CREB3L4: variants seen among roughly 807,000 people sequenced by gnomAD.
CREB3L4 encodes cAMP responsive element binding protein 3 like 4.
A neutral mutation model predicts 37.0 loss-of-function variants in CREB3L4; 28 were observed. The observed-to-expected ratio is 0.76, with a 90% CI of 0.56 to 1.04. The LOEUF is 1.04. Ranked by LOEUF, CREB3L4 falls within the 50% of genes least tolerant of loss-of-function variation. The pLI is 0.00. For synonymous variants in CREB3L4, 175 were observed against 192.2 expected (o/e 0.91, Z 0.74); for missense variants, 462 against 486.0 (o/e 0.95, Z 0.46).
At chr1:153,972,880 C>T (rs1648525065) in intron 5 of CREB3L4, 44 bp downstream of exon 5, 2 of 1,602,462 alleles carry the variant, frequency 1.2e-6, no homozygotes, top group Non-Finnish European at 1.7e-6. Flanking sequence ...GGGGCCTCAC[C>T]ATGACCTCTG....
intron 4 of CREB3L4, among the ~76,000 whole-genome samples, chr1:153,971,236 C>T (rs908657535): frequency 4.6e-5 from 7 of 151,454 alleles, no homozygotes; most frequent in South Asian, 2.1e-4. Context: ...GGCATGGTGG[C>T]GGGTGCCTTT....
Position 153,973,400 on chromosome 1 carries a change from G to A in CREB3L4, c.833G>A (p.Arg278His), listed in dbSNP as rs150049615. 644 of 1,613,958 alleles carry A rather than the reference G, an allele frequency of 4.0e-4. 3 individuals are homozygous for A. The highest frequency in any genetic ancestry group is 3.2e-3 in the South Asian group (295 of 91,072). ...RHNISLVAQL[R>H]QLQTLIAQTS... ...CCCAGCTCCTTGGTAGCTCAGCTCC[G>A]CCAGCTGCAGACGCTAATTGCTCAA... The change falls in exon 8 of 10, where the codon CGC (arginine) becomes CAC (histidine). Residue 278 changes from arginine (R) to histidine (H), a missense_variant. Arg to His is a conservative substitution (Grantham distance 29). Transcript: ENST00000368607.
At chr1:153,968,319 TG>T (rs372093207) in intron 1 of CREB3L4, 155 bp downstream of exon 1, 30 of 504,614 alleles carry the variant, frequency 5.9e-5, no homozygotes, top group Middle Eastern at 5.4e-4. Context: ...AGGTAATGCT[TG>T]GGGGGGGCCT....
upstream of CREB3L4, chr1:153,967,544 G>A (rs1381934696): frequency 6.6e-6 from 1 of 152,210 alleles, no homozygotes; most frequent in Non-Finnish European, 1.5e-5. Context: ...CTAGCTGCTC[G>A]CGGTGCTGAG....
chr1:153,968,319 T>G, intron 1 of CREB3L4, 155 bp downstream of exon 1: 1 of 504,636 alleles, frequency 2.0e-6, no homozygotes, highest in Non-Finnish European at 3.5e-6. Context: ...AGGTAATGCT[T>G]GGGGGGGGCC....
chr1:153,974,103 AG>A lies in CREB3L4; in HGVS notation c.*40del. 1 of 1,590,704 alleles carries A rather than the reference AG, an allele frequency of 6.3e-7. No homozygotes were observed. The highest frequency in any genetic ancestry group is 8.6e-7 in the Non-Finnish European group (1 of 1,164,704). On this transcript the variant is annotated 3_prime_UTR_variant, in exon 10 of 10. Coordinates refer to ENST00000368607, the MANE Select transcript of CREB3L4 (RefSeq NM_001255978.2). ...CTTCCTGGCCCACTTCCTGATCACA[AG>A]GAATCCTGGGCTTCCTTATGGCTTT...
At chr1:153,969,615 A>AT (rs773988476) in intron 4 of CREB3L4, 160 bp downstream of exon 4, 6 of 749,978 alleles carry the variant, frequency 8.0e-6, no homozygotes, top group Non-Finnish European at 1.3e-5. Context: ...CAGTTGAACT[A>AT]TTTTTTATTT....
chr1:153,971,223 C>T (rs1648338380), intron 4 of CREB3L4, among the ~76,000 whole-genome samples: 1 of 151,220 alleles, frequency 6.6e-6, no homozygotes, highest in African/African-American at 2.4e-5. Context: ...CAAAAATTAG[C>T]TGGGCATGGT....
chr1:153,968,236 A>C, intron 1 of CREB3L4, 72 bp downstream of exon 1: 2 of 248,334 alleles, frequency 8.1e-6, no homozygotes, highest in Non-Finnish European at 1.6e-5. Flanking sequence ...GAGATCCTGG[A>C]AGAAAGAAAA....
In CREB3L4 at chr1:153,973,105, T is replaced by G. The variant is rs767137039; in HGVS notation, c.743+27T>G. 57 of 1,613,052 alleles carry G rather than the reference T, an allele frequency of 3.5e-5. 1 individual carries two copies. Among genetic ancestry groups the G allele is most frequent in the South Asian group, 3.1e-4 (28 of 91,062 alleles). ...TACGCCTGGGTTATTTCTGGCTTCT[T>G]GTGGGCCATGTCTGGGCCCCTTCCT... On this transcript the variant is annotated intron_variant, in intron 6 of 9. Transcript: ENST00000368607.
At chr1:153,969,818 C>T (rs1648169686) in intron 4 of CREB3L4, 1 of 245,624 alleles carries the variant, frequency 4.1e-6, no homozygotes, top group African/African-American at 2.2e-5. Flanking sequence ...CCATGTTGCC[C>T]AGGCTCAGGC....
chr1:153,972,529 C>G (rs943233773), intron 4 of CREB3L4, among the ~76,000 whole-genome samples: 1 of 152,134 alleles, frequency 6.6e-6, no homozygotes, highest in Non-Finnish European at 1.5e-5. Flanking sequence ...TGACAATACC[C>G]TCCTCTCTCC....
In CREB3L4 at chr1:153,969,182, T is replaced by C. The variant is rs1293431246; in HGVS notation, c.421+6T>C. On this transcript the variant is annotated splice_donor_region_variant and intron_variant, in intron 3 of 9. Coordinates refer to ENST00000368607, the MANE Select transcript of CREB3L4 (RefSeq NM_001255978.2). ...CCTTATCTCCATCCAGCTAGGTCAG[T>C]GTTCTTTGTGGGAAGGGGGAAATGG... The C allele has an allele frequency of 6.2e-7, 1 of 1,614,018 alleles. No homozygotes were observed. Among genetic ancestry groups the C allele is most frequent in the East Asian group, 2.2e-5 (1 of 44,884 alleles).
Position 153,972,979 on chromosome 1 carries a change from A to C in CREB3L4, c.644A>C (p.Glu215Ala). The C allele has an allele frequency of 1.9e-6, 3 of 1,614,106 alleles. No homozygotes were observed. Among genetic ancestry groups the C allele is most frequent in the Non-Finnish European group, 1.7e-6 (2 of 1,179,976 alleles). Residue 215 changes from glutamate to alanine, a missense_variant, in exon 6 of 10, where the codon GAG (glutamate) becomes GCG (alanine). Glu to Ala is a moderately radical substitution (Grantham distance 107). Coordinates refer to ENST00000368607, the MANE Select transcript of CREB3L4 (RefSeq NM_001255978.2). ...PSHLPLTKAE[E>A]RVLKKVRRKI... ...ACATCCTGGGCCTCCAAGGCAGAGG[A>C]GAGGGTCCTCAAGAAGGTCAGGAGG... is the stretch of plus-strand genomic sequence containing the variant.
At chr1:153,969,658 TGGAGTG>T in intron 4 of CREB3L4, 1 of 549,732 alleles carries the variant, frequency 1.8e-6, no homozygotes, top group South Asian at 2.1e-5. Flanking sequence ...TCATCCAGGC[TGGAGTG>T]CAGTGGTGCA....
Position 153,968,574 on chromosome 1 carries a change from G to C in CREB3L4, c.49G>C (p.Glu17Gln). Residue 17 changes from glutamate (E) to glutamine (Q), a missense_variant, in exon 2 of 10, where the codon GAG becomes CAG. Coordinates refer to ENST00000368607, the MANE Select transcript of CREB3L4 (RefSeq NM_001255978.2). Reference sequence around the variant, plus strand: ...GCTGGACGCGTGGCTGGAGCCCCCAGAGGATATCTTCTCGACAGGATCCGT... The same window carrying C: ...GCTGGACGCGTGGCTGGAGCCCCCACAGGATATCTTCTCGACAGGATCCGT... ...DLLDAWLEPPEDIFSTGSVLE... is the reference protein window; with the variant it reads ...DLLDAWLEPPQDIFSTGSVLE... 3.1e-6 allele frequency: 5 copies of C among 1,614,138 alleles called. No homozygotes were observed. The highest frequency in any genetic ancestry group is 4.2e-6 in the Non-Finnish European group (5 of 1,180,006).
chr1:153,969,644 T>C (rs1212183566), intron 4 of CREB3L4, 189 bp downstream of exon 4: 39 of 601,682 alleles, frequency 6.5e-5, no homozygotes, highest in Non-Finnish European at 5.7e-6. Flanking sequence ...AGGGTCTTAC[T>C]CTGTCATCCA....
In CREB3L4 at chr1:153,972,740, C is replaced by A. The variant is rs1441816273; in HGVS notation, c.544-4C>A. The A allele has an allele frequency of 6.2e-7, 1 of 1,612,876 alleles. No individual in the cohort carries two copies. The highest frequency in any genetic ancestry group is 8.5e-7 in the Non-Finnish European group (1 of 1,179,532). ...ATTGCATCTTCTCCTGCCCCTACCC[C>A]CAGCTGCCCTGTCAAACCCTGTTCC... is the stretch of plus-strand genomic sequence containing the variant. On this transcript the variant is annotated splice_region_variant and splice_polypyrimidine_tract_variant and intron_variant, in intron 4 of 9. Transcript: ENST00000368607.
chr1:153,968,361 G>A, intron 1 of CREB3L4, 161 bp from the exon 2 acceptor site: 3 of 622,070 alleles, frequency 4.8e-6, no homozygotes, highest in Non-Finnish European at 8.3e-6. Context: ...TAGGGCTGAA[G>A]GTGAAATATC....
Sources: gnomAD v4.1 joint callset for allele counts (sites outside exome capture counted in the v4.1 genomes callset) on GRCh38, gnomAD v4.1.1 for gene constraint, MANE v1.5 for transcripts, NCBI Gene and HGNC (gene_info 2026-07-23, HGNC 2026-07-21) for gene names.